The following JAZF1 variants were observed in gnomAD, a reference collection of about 807,000 sequenced individuals.
The protein encoded by JAZF1 is juxtaposed with another zinc finger protein 1.
In JAZF1, 8 loss-of-function variants were observed where a neutral mutation model predicts 26.4. The observed-to-expected ratio is 0.30, with a 90% CI of 0.18 to 0.55. The LOEUF (loss-of-function observed/expected upper bound fraction) is 0.55, where lower values mean the gene tolerates loss of function less well. Ranked by LOEUF, JAZF1 falls within the 20% of genes least tolerant of loss-of-function variation. The pLI, the probability that JAZF1 is intolerant of heterozygous loss-of-function variation, is 0.94. For missense variants in JAZF1, 199 were observed against 322.0 expected, an observed-to-expected ratio of 0.62 and a Z score of 2.92; for synonymous variants, 126 against 122.3, an observed-to-expected ratio of 1.03 and a Z score of -0.20.
chr7:28,099,555 C>G (rs1244992163), intron 1 of JAZF1, among the ~76,000 whole-genome samples: 1 of 152,106 alleles, frequency 6.6e-6, no homozygotes, highest in East Asian at 1.9e-4. Context: ...CGACTCACCG[C>G]AACCTCCACC....
intron 1 of JAZF1, among the ~76,000 whole-genome samples, chr7:28,019,623 C>A (rs566368621): frequency 6.6e-6 from 1 of 152,166 alleles, no homozygotes; most frequent in Admixed American, 6.5e-5. Context: ...TCTTTTCCTA[C>A]CCCCCTCCTT....
intron 1 of JAZF1, among the ~76,000 whole-genome samples, chr7:28,150,545 G>GT (rs1562604234): frequency 6.6e-6 from 1 of 152,206 alleles, no homozygotes; most frequent in African/African-American, 2.4e-5. Flanking sequence ...GCGTGTCTAT[G>GT]TTTTTTTCTC....
intron 2 of JAZF1, among the ~76,000 whole-genome samples, chr7:27,900,781 T>C (rs770651741): frequency 6.6e-6 from 1 of 152,228 alleles, no homozygotes; most frequent in Non-Finnish European, 1.5e-5. Flanking sequence ...TTGTGACTTA[T>C]GTTTAAAAAG....
chr7:28,090,936 C>T (rs1784286585), intron 1 of JAZF1, among the ~76,000 whole-genome samples: 1 of 150,326 alleles, frequency 6.7e-6, no homozygotes, highest in Admixed American at 6.6e-5. Flanking sequence ...ACGCCATTCT[C>T]CTGCCTCAGC....
chr7:28,036,727 T>C (rs1308018672), intron 1 of JAZF1, among the ~76,000 whole-genome samples: 1 of 152,210 alleles, frequency 6.6e-6, no homozygotes, highest in East Asian at 1.9e-4. Context: ...CCTCCCTTTA[T>C]TAGACACCTA....
intron 1 of JAZF1, among the ~76,000 whole-genome samples, chr7:28,018,134 C>T (rs1782929437): frequency 1.3e-5 from 2 of 152,192 alleles, no homozygotes; most frequent in Admixed American, 6.5e-5. Context: ...AGATGATGTT[C>T]CAGCCAAGAC....
chr7:28,123,902 C>T (rs1782648468), intron 1 of JAZF1, among the ~76,000 whole-genome samples: 1 of 152,138 alleles, frequency 6.6e-6, no homozygotes, highest in Admixed American at 6.5e-5. Context: ...GAAGTCACAA[C>T]CAAGAAACCC....
At chr7:27,986,452 T>C (rs1039355543) in intron 2 of JAZF1, among the ~76,000 whole-genome samples, 5 of 151,902 alleles carry the variant, frequency 3.3e-5, no homozygotes, top group African/African-American at 9.7e-5. Flanking sequence ...CACTGCTCAA[T>C]GAAATAAAAG....
intron 1 of JAZF1, among the ~76,000 whole-genome samples, chr7:28,047,518 ATCTC>A (rs531159686): frequency 5.0e-4 from 76 of 152,206 alleles, no homozygotes; most frequent in African/African-American, 1.8e-3. Context: ...TCTATCGTTT[ATCTC>A]ATAGACGTTT....
intron 1 of JAZF1, among the ~76,000 whole-genome samples, chr7:28,083,731 T>C (rs866189455): frequency 1.3e-5 from 2 of 152,140 alleles, no homozygotes; most frequent in African/African-American, 4.8e-5. Flanking sequence ...GTTCTTTATG[T>C]GAGCATTATT....
chr7:27,843,755 A>G (rs1409250540), intron 3 of JAZF1: 6 of 152,192 alleles, frequency 3.9e-5, no homozygotes, highest in African/African-American at 1.2e-4. Flanking sequence ...AAGTGACGCC[A>G]CCTCTCTGAG....
chr7:28,012,174 T>A (rs921219913), intron 1 of JAZF1, among the ~76,000 whole-genome samples: 1 of 152,218 alleles, frequency 6.6e-6, no homozygotes, highest in Admixed American at 6.5e-5. Flanking sequence ...AACTACTTGG[T>A]CAGCTAAATC....
intron 2 of JAZF1, among the ~76,000 whole-genome samples, chr7:27,973,498 T>C (rs905352456): frequency 6.6e-6 from 1 of 152,138 alleles, no homozygotes; most frequent in African/African-American, 2.4e-5. Context: ...GGGGTCTTGC[T>C]TTGTTGCCAA....
chr7:28,161,222 T>C (rs1232282522), intron 1 of JAZF1, among the ~76,000 whole-genome samples: 1 of 149,138 alleles, frequency 6.7e-6, no homozygotes, highest in Non-Finnish European at 1.5e-5. Context: ...AGCCTTTTGG[T>C]TTTTACTTTT....
At chr7:28,145,925 G>C (rs10281214) in intron 1 of JAZF1, among the ~76,000 whole-genome samples, 29,673 of 152,126 alleles carry the variant, frequency 0.2, 3,795 homozygotes, top group African/African-American at 0.34. Context: ...ATGGGTTTGA[G>C]AGTCATGCAT....
rs943459479 is a variant in JAZF1 at position 28,025,234 on chromosome 7, G to A, written c.116-33253C>T. ...AGAAATGCCACTTACCAATGATAGT[G>A]TTAAAGAACATTTGTCCTCATACTT... On this transcript the variant is annotated intron_variant, in intron 1 of 4. Coordinates refer to ENST00000283928, the MANE Select transcript of JAZF1 (RefSeq NM_175061.4). 3.9e-5 allele frequency among the ~76,000 whole-genome samples: 6 copies of A among 152,188 alleles called. 1 individual carries two copies. Among genetic ancestry groups the A allele is most frequent in the South Asian group, 4.1e-4 (2 of 4,830 alleles).
At chr7:27,987,727 G>A (rs1785760647) in intron 2 of JAZF1, among the ~76,000 whole-genome samples, 1 of 152,250 alleles carries the variant, frequency 6.6e-6, no homozygotes, top group Admixed American at 6.5e-5. Flanking sequence ...CCATGATGAC[G>A]ATGGCGGTTT....
At chr7:27,845,231 ACC>A (rs1782996455) in intron 3 of JAZF1, among the ~76,000 whole-genome samples, 1 of 152,172 alleles carries the variant, frequency 6.6e-6, no homozygotes, top group African/African-American at 2.4e-5. Context: ...GAAAGAATCT[ACC>A]CCTTTGGGGC....
At chr7:27,837,436 C>G (rs916707947) in intron 4 of JAZF1, among the ~76,000 whole-genome samples, 1 of 152,224 alleles carries the variant, frequency 6.6e-6, no homozygotes, top group Non-Finnish European at 1.5e-5. Flanking sequence ...TTTCCCCGTT[C>G]CCATGGGCTA....
Sources: allele counts gnomAD v4.1 joint callset (sites outside exome capture counted in the v4.1 genomes callset), GRCh38; gene constraint gnomAD v4.1.1; transcripts MANE v1.5; gene names NCBI Gene and HGNC (gene_info 2026-07-23, HGNC 2026-07-21).